Variants in CACHD1 observed in about 807,000 individuals in gnomAD.
CACHD1 encodes the protein VWFA and cache domain-containing protein 1.
A neutral mutation model predicts 138.7 loss-of-function variants in CACHD1; 71 were observed. The observed-to-expected ratio is 0.51, with a 90% confidence interval of 0.42 to 0.62. CACHD1 has a LOEUF of 0.62. Ranked by LOEUF, CACHD1 falls within the 20% of genes least tolerant of loss-of-function variation. The pLI is 0.00. For synonymous variants in CACHD1, 578 were observed against 591.5 expected, an observed-to-expected ratio of 0.98 and a Z score of 0.33; for missense variants, 1,389 against 1,625.3, an observed-to-expected ratio of 0.85 and a Z score of 2.50.
In CACHD1 at chr1:64,654,672, G is replaced by T. The variant is rs1649205238; in HGVS notation, c.1665-14G>T. 1 of 1,575,526 alleles carries T rather than the reference G, an allele frequency of 6.3e-7. No homozygotes were observed. The highest frequency in any genetic ancestry group is 8.7e-7 in the Non-Finnish European group (1 of 1,146,852). On this transcript the variant is annotated splice_polypyrimidine_tract_variant and intron_variant, in intron 11 of 26. Transcript: ENST00000651257. ...TCTTTTGCCTGAAATATTTAATTCTGTTTGCCAACACAGCCTCCCTCTGGG... is the reference window on the plus strand; with the variant it reads ...TCTTTTGCCTGAAATATTTAATTCTTTTTGCCAACACAGCCTCCCTCTGGG...
At chr1:64,609,759 T>C (rs1180011213) in intron 4 of CACHD1, among the ~76,000 whole-genome samples, 2 of 136,842 alleles carry the variant, frequency 1.5e-5, no homozygotes, top group East Asian at 4.1e-4. Flanking sequence ...AGCAAATGTA[T>C]CCTGAACTTT....
chr1:64,481,100 A>G (rs1174334836), intron 1 of CACHD1, among the ~76,000 whole-genome samples: 4 of 152,144 alleles, frequency 2.6e-5, no homozygotes, highest in African/African-American at 9.7e-5. Context: ...ACACCTAAAC[A>G]CCAGAGTGGG....
chr1:64,567,365 T>G (rs1269848072), intron 2 of CACHD1, among the ~76,000 whole-genome samples: 1 of 152,062 alleles, frequency 6.6e-6, no homozygotes, highest in East Asian at 1.9e-4. Flanking sequence ...TATGTATGTG[T>G]CCCTAGAATC....
At chr1:64,632,508 A>G in intron 5 of CACHD1, 91 bp from the exon 6 acceptor site, 1 of 1,331,644 alleles carries the variant, frequency 7.5e-7, no homozygotes, top group Non-Finnish European at 1.0e-6. Context: ...AGAGACCAAC[A>G]TGCCCATGCA....
intron 1 of CACHD1, among the ~76,000 whole-genome samples, chr1:64,478,379 A>G (rs992492406): frequency 4.6e-5 from 7 of 152,210 alleles, no homozygotes; most frequent in African/African-American, 1.2e-4. Context: ...GACTACTGCA[A>G]TATGAACTGC....
chr1:64,548,411 C>T (rs1312588605), intron 1 of CACHD1, among the ~76,000 whole-genome samples: 3 of 152,156 alleles, frequency 2.0e-5, no homozygotes, highest in Non-Finnish European at 4.4e-5. Context: ...ACTGTTGGCA[C>T]TATTTAACAG....
intron 12 of CACHD1, among the ~76,000 whole-genome samples, chr1:64,658,196 C>T (rs1459264002): frequency 3.3e-5 from 5 of 152,134 alleles, no homozygotes; most frequent in Admixed American, 6.6e-5. Context: ...AGAAAGCATT[C>T]GTTGGAATAG....
chr1:64,684,873 G>A (rs1198651332), intron 26 of CACHD1, among the ~76,000 whole-genome samples: 5 of 152,108 alleles, frequency 3.3e-5, no homozygotes, highest in Admixed American at 6.5e-5. Context: ...GCAATGGTGC[G>A]ATCTCGGCTC....
At chr1:64,628,459 T>G (rs774783773) in intron 4 of CACHD1, among the ~76,000 whole-genome samples, 1 of 152,136 alleles carries the variant, frequency 6.6e-6, no homozygotes, top group Non-Finnish European at 1.5e-5. Flanking sequence ...GAACAAAAGA[T>G]CCTAAGAGCT....
At chr1:64,541,580 G>A (rs1044138579) in intron 1 of CACHD1, among the ~76,000 whole-genome samples, 6 of 152,188 alleles carry the variant, frequency 3.9e-5, no homozygotes, top group Admixed American at 3.3e-4. Context: ...GGCTGAAGTG[G>A]ACAGATTGCT....
At chr1:64,523,456 GTCTT>G (rs1646513003) in intron 1 of CACHD1, among the ~76,000 whole-genome samples, 1 of 152,188 alleles carries the variant, frequency 6.6e-6, no homozygotes, top group South Asian at 2.1e-4. Context: ...ATAAAAGTGA[GTCTT>G]TCTGAGTTTG....
chr1:64,675,939 A>G lies in CACHD1; in HGVS notation c.2931A>G (p.Leu977=). Residue 977 remains leucine (L), a synonymous_variant, in exon 21 of 27, where the codon CTA becomes CTG. Transcript: ENST00000651257. Reference sequence around the variant, plus strand: ...GTGAATGTCCTTGTGAGTGCCCTCTAGAGGTCAATGAGTGCACTGGCAACC... The same window carrying G: ...GTGAATGTCCTTGTGAGTGCCCTCTGGAGGTCAATGAGTGCACTGGCAACC... ...NECECPCECP[L]EVNECTGNLT... 6.5e-7 allele frequency: 1 copy of G among 1,529,098 alleles called. No homozygotes were observed. Among genetic ancestry groups the G allele is most frequent in the Non-Finnish European group, 8.8e-7 (1 of 1,134,928 alleles). 94.7% of individuals were successfully genotyped at this position (1,529,098 alleles called of 1,614,324 possible).
At chr1:64,499,633 C>G (rs1646326405) in intron 1 of CACHD1, among the ~76,000 whole-genome samples, 1 of 152,204 alleles carries the variant, frequency 6.6e-6, no homozygotes, top group Admixed American at 6.5e-5. Flanking sequence ...ACATTGCAGA[C>G]AACAGAGCCT....
At chr1:64,533,275 G>C (rs1216804866) in intron 1 of CACHD1, among the ~76,000 whole-genome samples, 1 of 152,218 alleles carries the variant, frequency 6.6e-6, no homozygotes, top group Non-Finnish European at 1.5e-5. Context: ...AGAATCACTT[G>C]AACCCAGGCA....
At chr1:64,494,774 T>G (rs879270507) in intron 1 of CACHD1, among the ~76,000 whole-genome samples, 2 of 152,232 alleles carry the variant, frequency 1.3e-5, no homozygotes, top group Non-Finnish European at 2.9e-5. Flanking sequence ...GTGTTTTTTA[T>G]GTGCCAGGCA....
intron 1 of CACHD1, among the ~76,000 whole-genome samples, chr1:64,545,205 G>A (rs1169481400): frequency 1.3e-5 from 2 of 152,204 alleles, no homozygotes; most frequent in Non-Finnish European, 2.9e-5. Flanking sequence ...AGACTACCTA[G>A]AATGTATGTT....
intron 17 of CACHD1, 65 bp from the exon 18 acceptor site, chr1:64,673,093 T>C: frequency 7.8e-7 from 1 of 1,289,562 alleles, no homozygotes; most frequent in Non-Finnish European, 1.1e-6. Flanking sequence ...AAATGCTCTC[T>C]GAATACGTTT....
chr1:64,619,119 G>A lies in CACHD1; in HGVS notation c.518-10236G>A, dbSNP rs552753857. On this transcript the variant is annotated intron_variant, in intron 4 of 26. Coordinates refer to ENST00000651257, the MANE Select transcript of CACHD1 (RefSeq NM_020925.4). ...GGACATGGTTGGTTTTGTTTTGACT[G>A]CAGAGGCTGATGACATAAGAACCAG... 5.9e-5 allele frequency among the ~76,000 whole-genome samples: 9 copies of A among 152,268 alleles called. No homozygotes were observed. In the South Asian group the frequency reaches 1.9e-3, roughly 32 times the overall value.
intron 1 of CACHD1, among the ~76,000 whole-genome samples, chr1:64,536,759 G>A (rs574564053): frequency 7.9e-5 from 12 of 152,252 alleles, no homozygotes; most frequent in African/African-American, 2.2e-4. Flanking sequence ...TTGGATGTTC[G>A]GAGAAAACCA....
Sources: gnomAD v4.1 joint callset for allele counts (sites outside exome capture counted in the v4.1 genomes callset) on GRCh38, gnomAD v4.1.1 for gene constraint, MANE v1.5 for transcripts, NCBI Gene and HGNC (gene_info 2026-07-23, HGNC 2026-07-21) for gene names.